CEP83: variants seen among roughly 807,000 people sequenced by gnomAD.
CEP83 encodes centrosomal protein 83, also known as centrosomal protein of 83 kDa.
Under a neutral mutation model 101.9 loss-of-function variants are expected in CEP83, and 70 were observed. That is an observed-to-expected ratio of 0.69 (90% CI 0.57 to 0.84). The LOEUF is 0.84. Ranked by LOEUF, CEP83 falls within the 40% of genes least tolerant of loss-of-function variation. CEP83 has a pLI of 0.00. For missense variants in CEP83, 715 were observed against 787.2 expected, an observed-to-expected ratio of 0.91 and a Z score of 1.10; for synonymous variants, 264 against 267.9, an observed-to-expected ratio of 0.99 and a Z score of 0.14.
intron 8 of CEP83, among the ~76,000 whole-genome samples, chr12:94,371,493 T>C (rs764483980): frequency 1.3e-4 from 20 of 152,204 alleles, no homozygotes; most frequent in Admixed American, 9.2e-4. Context: ...GATATAGTCA[T>C]ATAATAAGGA....
At chr12:94,443,737 T>C (rs1203649930) in intron 1 of CEP83, among the ~76,000 whole-genome samples, 2 of 152,142 alleles carry the variant, frequency 1.3e-5, no homozygotes, top group African/African-American at 2.4e-5. Context: ...TCCACCCACC[T>C]TGGCCTCGCA....
chr12:94,453,279 C>T (rs2067393824), intron 1 of CEP83, among the ~76,000 whole-genome samples: 1 of 152,164 alleles, frequency 6.6e-6, no homozygotes, highest in South Asian at 2.1e-4. Context: ...GTTGATGACT[C>T]TTCTCTCTCT....
intron 11 of CEP83, among the ~76,000 whole-genome samples, chr12:94,352,104 C>A (rs961994506): frequency 6.6e-6 from 1 of 152,184 alleles, no homozygotes; most frequent in African/African-American, 2.4e-5. Flanking sequence ...CTACCAGATG[C>A]ACCCATAACA....
intron 1 of CEP83, among the ~76,000 whole-genome samples, chr12:94,445,771 C>T (rs1025426316): frequency 2.6e-5 from 4 of 152,102 alleles, no homozygotes; most frequent in African/African-American, 9.7e-5. Context: ...TAAAGATGTG[C>T]ACATTAGATT....
At chr12:94,456,634 CA>C (rs912232647) in intron 1 of CEP83, among the ~76,000 whole-genome samples, 12 of 152,128 alleles carry the variant, frequency 7.9e-5, no homozygotes, top group African/African-American at 2.9e-4. Flanking sequence ...GAGGAACTAC[CA>C]AACACTTATA....
Position 94,458,609 on chromosome 12 carries a change from G to A in CEP83, c.-155+948C>T, listed in dbSNP as rs969631407. Among the ~76,000 whole-genome samples, 17 of 152,138 alleles carry A rather than the reference G, an allele frequency of 1.1e-4. No individual in the cohort carries two copies. In the East Asian group the frequency reaches 2.9e-3, roughly 26 times the overall value. On this transcript the variant is annotated intron_variant, in intron 1 of 16. Coordinates refer to ENST00000397809, the MANE Select transcript of CEP83 (RefSeq NM_016122.3). ...AAAAATTAGCCGGGCATGGTGGCACGCACCTGTAATCCCAGCTACTCGGGA... is the reference window on the plus strand; with the variant it reads ...AAAAATTAGCCGGGCATGGTGGCACACACCTGTAATCCCAGCTACTCGGGA...
chr12:94,428,479 C>T (rs2138136528), intron 2 of CEP83, among the ~76,000 whole-genome samples: 1 of 152,238 alleles, frequency 6.6e-6, no homozygotes, highest in South Asian at 2.1e-4. Flanking sequence ...TTAAATAAAT[C>T]CTGATTTAAT....
intron 8 of CEP83, among the ~76,000 whole-genome samples, chr12:94,371,031 CAAAG>C (rs1388203505): frequency 6.6e-6 from 1 of 151,738 alleles, no homozygotes; most frequent in East Asian, 1.9e-4. Context: ...GTGCTGGGGA[CAAAG>C]AAGGTATTCT....
At chr12:94,268,063 G>T in the CEP83 span, among the ~76,000 whole-genome samples, 32 of 152,124 alleles carry the variant, frequency 2.1e-4, no homozygotes, top group African/African-American at 7.2e-4. Context: ...GCATCCTCAC[G>T]AACCACTTGA....
chr12:94,429,830 A>C (rs1451141398), intron 2 of CEP83, among the ~76,000 whole-genome samples: 2 of 152,196 alleles, frequency 1.3e-5, no homozygotes, highest in Non-Finnish European at 2.9e-5. Flanking sequence ...ACCAGGACTG[A>C]AACACAAGCC....
At chr12:94,423,643 C>T (rs763866217) in intron 2 of CEP83, 34 of 1,550,334 alleles carry the variant, frequency 2.2e-5, no homozygotes, top group South Asian at 7.1e-5. Flanking sequence ...GCAGGGCCGA[C>T]GGATGGTCTC....
At chr12:94,313,088 T>A (rs1970119428) in intron 14 of CEP83, 71 bp from the exon 15 acceptor site, 1 of 662,780 alleles carries the variant, frequency 1.5e-6, no homozygotes, top group African/African-American at 1.9e-5. Flanking sequence ...ATAGAAAATA[T>A]TTTACTCACC....
At chr12:94,458,314 C>A (rs549207613) in intron 1 of CEP83, among the ~76,000 whole-genome samples, 6 of 152,116 alleles carry the variant, frequency 3.9e-5, no homozygotes, top group Admixed American at 2.6e-4. Context: ...ATACAGTCCG[C>A]GCACTTCATC....
At position 94,421,341 on chromosome 12, in the gene CEP83, G is replaced by A. The variant is rs565850884; in HGVS notation, c.-101-8750C>T. 3.0e-4 allele frequency among the ~76,000 whole-genome samples: 46 copies of A among 152,216 alleles called. No individual in the cohort carries two copies. The South Asian group carries it at 3.3e-3, about 11-fold the overall frequency. ...GCTAAAATGTTAGGATTACAGGAAT[G>A]AGCCACTGCAACCAACCTTATAATT... On this transcript the variant is annotated intron_variant, in intron 2 of 16. Coordinates refer to ENST00000397809, the MANE Select transcript of CEP83 (RefSeq NM_016122.3).
chr12:94,450,936 A>T (rs1174841754), intron 1 of CEP83, among the ~76,000 whole-genome samples: 2 of 152,214 alleles, frequency 1.3e-5, no homozygotes, highest in African/African-American at 2.4e-5. Flanking sequence ...TTATTTTGAA[A>T]CTTACTATAA....
At chr12:94,403,706 G>A (rs1367573620) in intron 4 of CEP83, among the ~76,000 whole-genome samples, 1 of 151,934 alleles carries the variant, frequency 6.6e-6, no homozygotes, top group Non-Finnish European at 1.5e-5. Context: ...GCTTCTCCTT[G>A]TCACACTCTT....
chr12:94,454,660 G>C lies in CEP83; in HGVS notation c.-155+4897C>G, dbSNP rs150236610. ...TGGAAGCTCTGTTCTTTTGCTCTTCGCAATAAATCTTGCTGCTGCTCACTC... is the reference window on the plus strand; with the variant it reads ...TGGAAGCTCTGTTCTTTTGCTCTTCCCAATAAATCTTGCTGCTGCTCACTC... On this transcript the variant is annotated intron_variant, in intron 1 of 16. Transcript: ENST00000397809. Among the ~76,000 whole-genome samples, 742 of 152,302 alleles carry C rather than the reference G, an allele frequency of 4.9e-3. 9 individuals carry two copies. Among genetic ancestry groups the C allele is most frequent in the African/African-American group, 0.017 (721 of 41,562 alleles).
chr12:94,394,380 T>G (rs532801144), intron 6 of CEP83, among the ~76,000 whole-genome samples: 1 of 152,292 alleles, frequency 6.6e-6, no homozygotes, highest in African/African-American at 2.4e-5. Flanking sequence ...GGAGAAAGGA[T>G]TCCCTATTTA....
intron 4 of CEP83, among the ~76,000 whole-genome samples, chr12:94,411,465 C>A (rs2137777763): frequency 6.6e-6 from 1 of 152,154 alleles, no homozygotes; most frequent in East Asian, 1.9e-4. Context: ...TTATTTATAT[C>A]AGAATAGGCA....
Sources: allele counts gnomAD v4.1 joint callset (sites outside exome capture counted in the v4.1 genomes callset), GRCh38; gene constraint gnomAD v4.1.1; transcripts MANE v1.5; gene names NCBI Gene and HGNC (gene_info 2026-07-23, HGNC 2026-07-21).